FBXO10: variants seen among roughly 807,000 people sequenced by gnomAD.
The protein encoded by FBXO10 is F-box only protein 10.
FBXO10 carries 39 observed loss-of-function variants against 80.7 expected under a neutral mutation model. That is an observed-to-expected ratio of 0.48 (90% CI 0.37 to 0.63). The LOEUF (loss-of-function observed/expected upper bound fraction) is 0.63, where lower values mean the gene tolerates loss of function less well. Ranked by LOEUF, FBXO10 falls within the 30% of genes least tolerant of loss-of-function variation. FBXO10 has a pLI of 0.00. For missense variants in FBXO10, 1,025 were observed against 1,269.0 expected, an observed-to-expected ratio of 0.81 and a Z score of 2.92; for synonymous variants, 449 against 489.6, an observed-to-expected ratio of 0.92 and a Z score of 1.09.
chr9:37,519,474 A>AG (rs1271092421), intron 8 of FBXO10, among the ~76,000 whole-genome samples: 2 of 132,676 alleles, frequency 1.5e-5, no homozygotes, highest in African/African-American at 2.8e-5. Flanking sequence ...CTGCCCACCA[A>AG]CAGCAACAAG....
chr9:37,529,212 T>G lies in FBXO10; in HGVS notation c.1618A>C (p.Asn540His). The G allele has an allele frequency of 6.2e-7, 1 of 1,613,288 alleles. No individual in the cohort carries two copies. The highest frequency in any genetic ancestry group is 8.5e-7 in the Non-Finnish European group (1 of 1,179,624). The change falls in exon 5 of 11, where the codon AAT (asparagine) becomes CAT (histidine). Residue 540 changes from asparagine (N) to histidine (H), a missense_variant. Around this residue, in one of 3 missense-constraint regions of FBXO10, gnomAD observed 478 missense variants for 667.8 expected, o/e 0.72. Coordinates refer to ENST00000432825, the MANE Select transcript of FBXO10 (RefSeq NM_012166.3). ...GLRSGIVVLG[N>H]GKGIIRNNQI... ...TTGTTCCGGATGATGCCTTTCCCAT[T>G]GCCAAGGACGACAATGCCAGAGCGA...
At chr9:37,563,033 G>T (rs1822518945) in intron 1 of FBXO10, among the ~76,000 whole-genome samples, 1 of 152,166 alleles carries the variant, frequency 6.6e-6, no homozygotes, top group Non-Finnish European at 1.5e-5. Flanking sequence ...TGTGTCAGGG[G>T]TGTGACCAAG....
At chr9:37,548,157 G>C (rs894592538) in intron 1 of FBXO10, among the ~76,000 whole-genome samples, 1 of 152,164 alleles carries the variant, frequency 6.6e-6, no homozygotes, top group Non-Finnish European at 1.5e-5. Context: ...GGCCAGGGCG[G>C]GTGGATCACC....
In FBXO10 at chr9:37,512,529, T is replaced by C. The variant is rs529465562; in HGVS notation, c.*18A>G. ...CTGAGCACCCATCCAGGCTTGGCCCTGAAGCAGGTCTGTGTCCTCACAGGA... is the reference window on the plus strand; with the variant it reads ...CTGAGCACCCATCCAGGCTTGGCCCCGAAGCAGGTCTGTGTCCTCACAGGA... On this transcript the variant is annotated 3_prime_UTR_variant, in exon 11 of 11. Coordinates refer to ENST00000432825, the MANE Select transcript of FBXO10 (RefSeq NM_012166.3). 42 of 1,606,226 alleles carry C rather than the reference T, an allele frequency of 2.6e-5. No homozygotes were observed. In the South Asian group the frequency reaches 3.9e-4, roughly 15 times the overall value.
chr9:37,514,449 G>GT (rs911463258), intron 10 of FBXO10, among the ~76,000 whole-genome samples: 14 of 151,938 alleles, frequency 9.2e-5, no homozygotes, highest in Non-Finnish European at 1.8e-4. Flanking sequence ...TAGAATTTTG[G>GT]TTTTTTTTAA....
chr9:37,553,941 A>C (rs1275266873), intron 1 of FBXO10, among the ~76,000 whole-genome samples: 1 of 143,884 alleles, frequency 7.0e-6, no homozygotes, highest in African/African-American at 2.6e-5. Flanking sequence ...AAAAAAAAAG[A>C]AAGAAAGAAA....
intron 5 of FBXO10, among the ~76,000 whole-genome samples, chr9:37,528,653 A>G (rs961896211): frequency 6.6e-6 from 1 of 152,160 alleles, no homozygotes; most frequent in African/African-American, 2.4e-5. Context: ...TAGAGCTGGG[A>G]TGGCAGACAG....
At chr9:37,526,227 A>C (rs1346879424) in intron 5 of FBXO10, among the ~76,000 whole-genome samples, 1 of 152,188 alleles carries the variant, frequency 6.6e-6, no homozygotes, top group Non-Finnish European at 1.5e-5. Context: ...CTCTGCATCC[A>C]AGGAAAAAAG....
At chr9:37,567,981 C>G (rs540550959) in intron 1 of FBXO10, among the ~76,000 whole-genome samples, 4 of 152,216 alleles carry the variant, frequency 2.6e-5, no homozygotes, top group Middle Eastern at 3.4e-3. Context: ...AGTAAGAATC[C>G]CCCATCCTCT....
chr9:37,524,726 G>A (rs892269699), intron 6 of FBXO10, among the ~76,000 whole-genome samples: 3 of 152,240 alleles, frequency 2.0e-5, no homozygotes, highest in Non-Finnish European at 2.9e-5. Flanking sequence ...GGAAGTGACA[G>A]TTAAGCTAAG....
rs7044153 is a variant in FBXO10, at chr9:37,537,560, G to A, written c.969C>T (p.Ala323=). 996,485 of 1,612,440 alleles carry A rather than the reference G, an allele frequency of 0.62. 311,985 individuals carry two copies. The highest frequency in any genetic ancestry group is 0.73 in the East Asian group (32,740 of 44,854). The change falls in exon 3 of 11, where the codon GCC becomes GCT. Residue 323 remains alanine (A), a synonymous_variant. Coordinates refer to ENST00000432825, the MANE Select transcript of FBXO10 (RefSeq NM_012166.3). ...IEGSQSPTSP[A]SSSPKPGSKA... ...TGGAGCCTGGCTTTGGGGAGCTAGA[G>A]GCTGGGCTGGTAGGGCTCTGGCTGC...
At chr9:37,571,728 T>TATATATATATATATATATAC (rs1822763404) in intron 1 of FBXO10, among the ~76,000 whole-genome samples, 1 of 140,226 alleles carries the variant, frequency 7.1e-6, no homozygotes, top group Non-Finnish European at 1.5e-5. Context: ...TATATATATA[T>TATATATATATATATATATAC]ATATATATAT....
At chr9:37,544,336 G>A (rs1403393415) in intron 1 of FBXO10, among the ~76,000 whole-genome samples, 1 of 152,194 alleles carries the variant, frequency 6.6e-6, no homozygotes, top group African/African-American at 2.4e-5. Context: ...AGGAGGCTGA[G>A]GCAGGAGAAT....
intron 1 of FBXO10, among the ~76,000 whole-genome samples, chr9:37,560,644 T>TTATTC (rs1554648878): frequency 6.6e-6 from 1 of 150,728 alleles, no homozygotes; most frequent in Admixed American, 6.6e-5. Flanking sequence ...TTATTTTATT[T>TTATTC]TTTTTAATGC....
At chr9:37,516,200 C>A in intron 9 of FBXO10, 115 bp from the exon 10 acceptor site, 1 of 1,178,552 alleles carries the variant, frequency 8.5e-7, no homozygotes, top group Non-Finnish European at 1.2e-6. Context: ...CCAGGCAGGT[C>A]AGTGAAGAGC....
chr9:37,558,936 G>A (rs1328092357), intron 1 of FBXO10, among the ~76,000 whole-genome samples: 1 of 151,540 alleles, frequency 6.6e-6, no homozygotes, highest in Non-Finnish European at 1.5e-5. Flanking sequence ...TCAGCCTCCC[G>A]AGTAGCTGCG....
Position 37,556,329 on chromosome 9 carries a change from T to C in FBXO10, c.-6-14555A>G, listed in dbSNP as rs569672140. ...TTTTCCTGTGTTTTTTTCTAAAAGTTTTATAGTTTACACTGTATACTTAAG... is the reference window on the plus strand; with the variant it reads ...TTTTCCTGTGTTTTTTTCTAAAAGTCTTATAGTTTACACTGTATACTTAAG... On this transcript the variant is annotated intron_variant, in intron 1 of 10. Coordinates refer to ENST00000432825, the MANE Select transcript of FBXO10 (RefSeq NM_012166.3). Among the ~76,000 whole-genome samples, 5 of 152,302 alleles carry C rather than the reference T, an allele frequency of 3.3e-5. No homozygotes were observed. In the East Asian group the frequency reaches 9.6e-4, roughly 29 times the overall value.
intron 1 of FBXO10, among the ~76,000 whole-genome samples, chr9:37,549,718 A>G (rs914542679): frequency 2.6e-5 from 4 of 152,170 alleles, no homozygotes; most frequent in African/African-American, 7.2e-5. Flanking sequence ...TGCTGACTGC[A>G]TGCATTACTT....
At position 37,511,320 on chromosome 9, in the gene FBXO10, C is replaced by T. The variant is rs1013892844; in HGVS notation, c.*1227G>A. 1.3e-5 allele frequency: 2 copies of T among 152,504 alleles called. No homozygotes were observed. Among genetic ancestry groups the T allele is most frequent in the African/African-American group, 2.4e-5 (1 of 41,460 alleles). 9.4% of individuals were successfully genotyped at this position (152,504 alleles called of 1,614,324 possible). On this transcript the variant is annotated 3_prime_UTR_variant, in exon 11 of 11. Coordinates refer to ENST00000432825, the MANE Select transcript of FBXO10 (RefSeq NM_012166.3). ...ACCTCACCTGGCTTTGGGACTTGGA[C>T]ATATTCACAGTACGGTTCAGTAAAG...
Sources: allele counts gnomAD v4.1 joint callset (sites outside exome capture counted in the v4.1 genomes callset), GRCh38; gene constraint gnomAD v4.1.1; regional missense constraint gnomAD v4.1.1; transcripts MANE v1.5; gene names NCBI Gene and HGNC (gene_info 2026-07-23, HGNC 2026-07-21).